Variants in PCSK6 observed in about 807,000 individuals in gnomAD.
The protein encoded by PCSK6 is paired basic amino acid cleaving enzyme 4.
Under a neutral mutation model 123.3 loss-of-function variants are expected in PCSK6, and 85 were observed. The observed-to-expected ratio is 0.69, with a 90% CI of 0.58 to 0.83. The LOEUF is 0.83. Among genes scored for constraint, PCSK6 ranks in the 40% least tolerant of loss-of-function variants. The pLI is 0.00. For missense variants in PCSK6, 1,191 were observed against 1,282.3 expected, an observed-to-expected ratio of 0.93 and a Z score of 1.09; for synonymous variants, 508 against 516.0, an observed-to-expected ratio of 0.98 and a Z score of 0.21.
intron 6 of PCSK6, among the ~76,000 whole-genome samples, chr15:101,409,847 G>A (rs372705998): frequency 6.6e-6 from 1 of 152,204 alleles, no homozygotes. Flanking sequence ...AAAGGATGCC[G>A]CATGGGGCAC....
chr15:101,437,630 G>T (rs911199185), intron 2 of PCSK6, among the ~76,000 whole-genome samples: 14 of 152,230 alleles, frequency 9.2e-5, no homozygotes, highest in South Asian at 4.1e-4. Context: ...CTGCTTAACA[G>T]TCATGAGAGA....
intron 1 of PCSK6, among the ~76,000 whole-genome samples, chr15:101,447,030 C>T (rs771788829): frequency 4.4e-4 from 67 of 152,184 alleles, no homozygotes; most frequent in Non-Finnish European, 9.4e-4. Flanking sequence ...GGAGCAGCTG[C>T]CCAGGAACAC....
intron 21 of PCSK6, 32 bp downstream of exon 21, chr15:101,307,181 G>A (rs561793346): frequency 1.9e-5 from 29 of 1,526,704 alleles, no homozygotes; most frequent in Non-Finnish European, 2.4e-5. Flanking sequence ...CTCCTCCACA[G>A]GCAGCCCCAG....
At position 101,480,091 on chromosome 15, in the gene PCSK6, A is replaced by G. The variant is rs528241507; in HGVS notation, c.297+9283T>C. On this transcript the variant is annotated intron_variant, in intron 1 of 21. Transcript: ENST00000611716. ...TTGCAGGAACGTGAGTGATGCCATT[A>G]CCCACTGATGGATTCCCCCCAGGGC... 7.8e-4 allele frequency among the ~76,000 whole-genome samples: 119 copies of G among 152,312 alleles called. 1 individual carries two copies. Among genetic ancestry groups the G allele is most frequent in the African/African-American group, 2.7e-3 (111 of 41,584 alleles).
intron 11 of PCSK6, among the ~76,000 whole-genome samples, chr15:101,371,889 A>G (rs2041598284): frequency 6.6e-6 from 1 of 152,164 alleles, no homozygotes; most frequent in Non-Finnish European, 1.5e-5. Context: ...CTGCCCTGTC[A>G]TGGAAATGGA....
chr15:101,489,647 C>A lies in PCSK6; in HGVS notation c.24G>T (p.Ala8=), dbSNP rs1300942691. 2 of 975,796 alleles carry A rather than the reference C, an allele frequency of 2.0e-6. No homozygotes were observed. The highest frequency in any genetic ancestry group is 2.4e-4 in the East Asian group (2 of 8,494). The allele number at this position is 975,796 out of a possible 1,614,324, so 60.4% of individuals were successfully genotyped here. MPPRAPP[A]PGPRPPPRAA... ...CCCGGGGCGGCGGCCGGGGCCCGGG[C>A]GCAGGCGGCGCGCGCGGAGGCATAG... Residue 8 remains alanine (A), a synonymous_variant, in exon 1 of 22, where the codon GCG becomes GCT. Transcript: ENST00000611716.
intron 6 of PCSK6, among the ~76,000 whole-genome samples, chr15:101,414,848 C>T (rs538935143): frequency 6.6e-6 from 1 of 152,262 alleles, no homozygotes; most frequent in Admixed American, 6.5e-5. Flanking sequence ...ATGAATATAA[C>T]AAAGTCCTTC....
At chr15:101,477,021 C>A (rs2057748869) in intron 1 of PCSK6, among the ~76,000 whole-genome samples, 1 of 152,112 alleles carries the variant, frequency 6.6e-6, no homozygotes, top group Non-Finnish European at 1.5e-5. Flanking sequence ...ACGGTCCTGA[C>A]CTTCCACAGC....
intron 1 of PCSK6, among the ~76,000 whole-genome samples, chr15:101,482,693 C>T (rs2057919946): frequency 6.6e-6 from 1 of 152,186 alleles, no homozygotes; most frequent in South Asian, 2.1e-4. Context: ...ATCGACAGCT[C>T]CGTGTTTCTC....
intron 6 of PCSK6, among the ~76,000 whole-genome samples, chr15:101,403,325 G>A (rs570589232): frequency 0.032 from 4,753 of 149,198 alleles, 125 homozygotes; most frequent in Non-Finnish European, 0.047. Context: ...AATGCTAAAT[G>A]ACCAGTTAAT....
At chr15:101,435,564 A>C (rs535908235) in intron 2 of PCSK6, among the ~76,000 whole-genome samples, 1 of 152,302 alleles carries the variant, frequency 6.6e-6, no homozygotes, top group South Asian at 2.1e-4. Context: ...CCTTTTCTCT[A>C]TTTTCCAAAT....
chr15:101,320,007 T>A (rs1017022300), intron 18 of PCSK6, among the ~76,000 whole-genome samples: 2 of 152,080 alleles, frequency 1.3e-5, no homozygotes, highest in Admixed American at 6.6e-5. Context: ...GACATCAAAG[T>A]GGGGCAGTCT....
chr15:101,326,269 G>T, intron 16 of PCSK6, 108 bp downstream of exon 16: 1 of 778,134 alleles, frequency 1.3e-6, no homozygotes, highest in Non-Finnish European at 2.1e-6. Context: ...ATGATTGTTT[G>T]GGGGTGCTAC....
rs552157297 is a variant in PCSK6, at chr15:101,379,870, G to A, written c.1532+2222C>T. Among the ~76,000 whole-genome samples, 3 of 152,326 alleles carry A rather than the reference G, an allele frequency of 2.0e-5. No homozygotes were observed. In the East Asian group the frequency reaches 5.8e-4, roughly 29 times the overall value. On this transcript the variant is annotated intron_variant, in intron 11 of 21. Coordinates refer to ENST00000611716, the MANE Select transcript of PCSK6 (RefSeq NM_002570.5). Reference sequence around the variant, plus strand: ...AGGCTCAGTGGCAGAGCTGGCTGGAGCTCCCTGCCAGGAGGGGAGACCCAC... The same window carrying A: ...AGGCTCAGTGGCAGAGCTGGCTGGAACTCCCTGCCAGGAGGGGAGACCCAC...
intron 10 of PCSK6, among the ~76,000 whole-genome samples, chr15:101,382,694 C>T (rs1034552146): frequency 6.6e-6 from 1 of 152,170 alleles, no homozygotes; most frequent in Non-Finnish European, 1.5e-5. Flanking sequence ...CCAGAGCATT[C>T]CGGGAAAACA....
At chr15:101,346,782 G>A in intron 13 of PCSK6, 9 of 1,230,422 alleles carry the variant, frequency 7.3e-6, no homozygotes, top group Non-Finnish European at 9.1e-6. Context: ...GCTATGAGGT[G>A]AGACAAAGGT....
chr15:101,390,639 C>T (rs1456817752), intron 8 of PCSK6, among the ~76,000 whole-genome samples: 5 of 152,112 alleles, frequency 3.3e-5, no homozygotes, highest in Admixed American at 2.6e-4. Flanking sequence ...CAGCTGACAG[C>T]CCACAAGGAA....
intron 6 of PCSK6, among the ~76,000 whole-genome samples, chr15:101,426,426 T>A (rs911235176): frequency 6.6e-6 from 1 of 152,210 alleles, no homozygotes; most frequent in Non-Finnish European, 1.5e-5. Flanking sequence ...GTCTCAGGGC[T>A]CTGCACCCAT....
Position 101,318,415 on chromosome 15 carries a change from G to T in PCSK6, c.2473C>A (p.Arg825=). The change falls in exon 19 of 22, where the codon CGG becomes AGG. Residue 825 remains arginine (R), a synonymous_variant. Coordinates refer to ENST00000611716, the MANE Select transcript of PCSK6 (RefSeq NM_002570.5). ...TVCKEGFSLA[R]GSCIPDCEPG... ...TCACAGTCAGGAATGCAGCTGCCCC[G>T]TGCAAGGCTGTTGAAAAGAAAGAGG... The T allele has an allele frequency of 1.3e-6, 2 of 1,556,522 alleles. No homozygotes were observed. The highest frequency in any genetic ancestry group is 1.7e-6 in the Non-Finnish European group (2 of 1,149,842).
Sources: allele counts gnomAD v4.1 joint callset (sites outside exome capture counted in the v4.1 genomes callset), GRCh38; gene constraint gnomAD v4.1.1; transcripts MANE v1.5; gene names NCBI Gene and HGNC (gene_info 2026-07-23, HGNC 2026-07-21).